FBXL18: variants seen among roughly 807,000 people sequenced by gnomAD.
The protein encoded by FBXL18 is F-box/LRR-repeat protein 18.
A neutral mutation model predicts 46.0 loss-of-function variants in FBXL18; 36 were observed. The observed-to-expected ratio is 0.78, with a 90% CI of 0.60 to 1.03. The LOEUF (loss-of-function observed/expected upper bound fraction) is 1.03, where lower values mean the gene tolerates loss of function less well. Ranked by LOEUF, FBXL18 falls within the 50% of genes least tolerant of loss-of-function variation. The probability of loss-of-function intolerance (pLI) is 0.00; values close to 1 mark genes in which losing one functional copy is unlikely to be tolerated. For missense variants in FBXL18, 977 were observed against 1,004.1 expected, an observed-to-expected ratio of 0.97 and a Z score of 0.36; for synonymous variants, 557 against 465.3, an observed-to-expected ratio of 1.20 and a Z score of -2.54.
At chr7:5,482,566 G>A (rs986830082) in intron 4 of FBXL18, among the ~76,000 whole-genome samples, 2 of 127,228 alleles carry the variant, frequency 1.6e-5, no homozygotes, top group Non-Finnish European at 3.1e-5. Context: ...ATGCACAATT[G>A]CCACGGGGTG....
chr7:5,501,988 C>T lies in FBXL18; in HGVS notation c.281G>A (p.Arg94Gln), dbSNP rs1221289692. ...KVRQLVKEIG[R>Q]EIQQLSMAGC... ...AGCCATGCTCAGCTGCTGGATCTCC[C>T]GGCCGATCTCCTTCACCAGCTGCCT... Residue 94 changes from arginine (R) to glutamine (Q), a missense_variant, in exon 3 of 5, where the codon CGG becomes CAG. Transcript: ENST00000382368. 38 of 1,606,668 alleles carry T rather than the reference C, an allele frequency of 2.4e-5. No individual in the cohort carries two copies. The highest frequency in any genetic ancestry group is 3.0e-5 in the Non-Finnish European group (35 of 1,177,228).
At position 5,491,370 on chromosome 7, in the gene FBXL18, G is replaced by A; in HGVS notation, c.1861C>T (p.Leu621=). Reference sequence around the variant, plus strand: ...TGGAGGGTGCCGCTGCGAGAGACCAGGCACAGGCGCTGCAGCGAGGGGCAC... The same window carrying A: ...TGGAGGGTGCCGCTGCGAGAGACCAAGCACAGGCGCTGCAGCGAGGGGCAC... ...SQCPSLQRLC[L]VSRSGTLQPD... is the part of the protein sequence containing the mutation. Residue 621 remains leucine, a synonymous_variant, in exon 4 of 5, where the codon CTG becomes TTG. Coordinates refer to ENST00000382368, the MANE Select transcript of FBXL18 (RefSeq NM_024963.6). 1.9e-6 allele frequency: 3 copies of A among 1,609,884 alleles called. No homozygotes were observed. The highest frequency in any genetic ancestry group is 3.4e-5 in the Admixed American group (2 of 59,370).
At chr7:5,503,496 G>A (rs1340266179) in intron 2 of FBXL18, among the ~76,000 whole-genome samples, 9 of 150,960 alleles carry the variant, frequency 6.0e-5, no homozygotes, top group African/African-American at 2.2e-4. Context: ...TGGAACTACA[G>A]ACATGTGCCA....
In FBXL18 at chr7:5,505,565, G is replaced by A. The variant is rs1784374404; in HGVS notation, c.84C>T (p.Leu28=). 6.2e-7 allele frequency: 1 copy of A among 1,614,072 alleles called. No homozygotes were observed. Residue 28 remains leucine, a synonymous_variant, in exon 2 of 5, where the codon CTC becomes CTT. Transcript: ENST00000382368. ...AAAGMADGVH[L]LGFSDEILLH... ...GGAGGATCTCATCAGAGAACCCTAG[G>A]AGGTGGACCCCGTCTGCCATCCCGG... is the stretch of plus-strand genomic sequence containing the variant.
intron 1 of FBXL18, 29 bp from the exon 2 acceptor site, chr7:5,505,659 A>T: frequency 6.3e-7 from 1 of 1,579,192 alleles, no homozygotes; most frequent in Non-Finnish European, 8.7e-7. Context: ...CCATTCCCAC[A>T]GGATCCCCAA....
At chr7:5,471,378 G>A (rs548764663), downstream of FBXL18, among the ~76,000 whole-genome samples, 532 of 152,278 alleles carry the variant, frequency 3.5e-3, 2 homozygotes, top group African/African-American at 0.012. Flanking sequence ...CCGGGTTCAC[G>A]CCATTCTCCT....
intron 4 of FBXL18, among the ~76,000 whole-genome samples, chr7:5,467,850 C>T (rs889739414): frequency 2.6e-4 from 40 of 152,134 alleles, no homozygotes; most frequent in African/African-American, 9.7e-4. Flanking sequence ...TGGAGACAAC[C>T]TAATTGTCTG....
chr7:5,471,466 C>T (rs1019679002), downstream of FBXL18, among the ~76,000 whole-genome samples: 4 of 152,134 alleles, frequency 2.6e-5, no homozygotes, highest in South Asian at 2.1e-4. Context: ...TTAGTAGAGA[C>T]GGGGCTTCAC....
At chr7:5,502,140 G>GCTTCCCTCCC in intron 2 of FBXL18, 109 bp from the exon 3 acceptor site, 1 of 812,160 alleles carries the variant, frequency 1.2e-6, no homozygotes, top group Non-Finnish European at 1.9e-6. Flanking sequence ...TCCACCGGGA[G>GCTTCCCTCCC]GGAAGCTCCC....
At chr7:5,457,360 C>A (rs1783187698) in intron 4 of FBXL18, among the ~76,000 whole-genome samples, 1 of 152,338 alleles carries the variant, frequency 6.6e-6, no homozygotes, top group Non-Finnish European at 1.5e-5. Context: ...AGCTGGCTGG[C>A]AGCTATCCTA....
chr7:5,490,229 ACT>A (rs1202825399), intron 4 of FBXL18: 1 of 1,324,524 alleles, frequency 7.5e-7, no homozygotes, highest in Non-Finnish European at 1.0e-6. Context: ...GGACACGAAC[ACT>A]CAGGGCGTTC....
chr7:5,501,713 C>T lies in FBXL18; in HGVS notation c.556G>A (p.Gly186Ser), dbSNP rs750517156. Residue 186 changes from glycine (G) to serine (S), a missense_variant, in exon 3 of 5, where the codon GGC becomes AGC. By Grantham distance (56) the Gly-to-Ser change is moderately conservative. Transcript: ENST00000382368. ...LKQTLFTPSY[G>S]VVPCCTSLEK... ...AGGCTGGTGCAGCAGGGCACCACGCCGTAGGAGGGAGTGAACAGCGTCTGC... is the reference window on the plus strand; with the variant it reads ...AGGCTGGTGCAGCAGGGCACCACGCTGTAGGAGGGAGTGAACAGCGTCTGC... 1 of 1,587,664 alleles carries T rather than the reference C, an allele frequency of 6.3e-7. No individual in the cohort carries two copies. The highest frequency in any genetic ancestry group is 8.6e-7 in the Non-Finnish European group (1 of 1,166,636).
intron 4 of FBXL18, among the ~76,000 whole-genome samples, chr7:5,488,532 G>C (rs560475326): frequency 6.6e-6 from 1 of 152,182 alleles, no homozygotes; most frequent in South Asian, 2.1e-4. Flanking sequence ...CCAGCCCTGC[G>C]GAGCTGAGAC....
intron 4 of FBXL18, among the ~76,000 whole-genome samples, chr7:5,468,298 TAGTAGAAA>T (rs1783376233): frequency 6.6e-6 from 1 of 152,156 alleles, no homozygotes; most frequent in Non-Finnish European, 1.5e-5. Context: ...TTTGTATTTT[TAGTAGAAA>T]CGGGATTTCA....
downstream of FBXL18, among the ~76,000 whole-genome samples, chr7:5,470,882 C>T (rs1562676121): frequency 6.6e-6 from 1 of 152,160 alleles, no homozygotes; most frequent in Non-Finnish European, 1.5e-5. Flanking sequence ...GAAAGGCTGG[C>T]CGGGTTCCCA....
intron 4 of FBXL18, among the ~76,000 whole-genome samples, chr7:5,486,768 C>G (rs1232505821): frequency 6.6e-6 from 1 of 152,178 alleles, no homozygotes; most frequent in African/African-American, 2.4e-5. Context: ...GCGCGGTCAC[C>G]AGCAACAGGT....
chr7:5,457,968 G>C (rs1263515985), intron 4 of FBXL18, among the ~76,000 whole-genome samples: 1 of 152,146 alleles, frequency 6.6e-6, no homozygotes, highest in Non-Finnish European at 1.5e-5. Context: ...AGCCCAGCTG[G>C]AGAACTGCCC....
chr7:5,500,753 T>C lies in FBXL18; in HGVS notation c.1516A>G (p.Ile506Val). Residue 506 changes from isoleucine to valine, a missense_variant, in exon 3 of 5, where the codon ATC becomes GTC. Ile to Val is a conservative substitution (Grantham distance 29). Coordinates refer to ENST00000382368, the MANE Select transcript of FBXL18 (RefSeq NM_024963.6). ...CTGCAGGGTGGGAGCGAGTTGCGGATGGCGGGCTCGTTGCGGGGCATGGCG... is the reference window on the plus strand; with the variant it reads ...CTGCAGGGTGGGAGCGAGTTGCGGACGGCGGGCTCGTTGCGGGGCATGGCG... ...SSAMPRNEPAIRNSLPPCSRA... is the reference protein window; with the variant it reads ...SSAMPRNEPAVRNSLPPCSRA... 6.2e-7 allele frequency: 1 copy of C among 1,612,454 alleles called. No individual in the cohort carries two copies. Among genetic ancestry groups the C allele is most frequent in the Non-Finnish European group, 8.5e-7 (1 of 1,179,722 alleles).
intron 4 of FBXL18, among the ~76,000 whole-genome samples, chr7:5,460,336 T>C (rs1228206951): frequency 2.0e-5 from 3 of 152,202 alleles, no homozygotes; most frequent in African/African-American, 7.2e-5. Context: ...AAATTTAATA[T>C]AATCATGAAA....
Sources: gnomAD v4.1 joint callset for allele counts (sites outside exome capture counted in the v4.1 genomes callset) on GRCh38, gnomAD v4.1.1 for gene constraint, MANE v1.5 for transcripts, NCBI Gene and HGNC (gene_info 2026-07-23, HGNC 2026-07-21) for gene names.